RAPGEF6: variants seen among roughly 807,000 people sequenced by gnomAD.
The protein encoded by RAPGEF6 is PDZ domain containing guanine nucleotide exchange factor (GEF) 2.
Under a neutral mutation model 171.4 loss-of-function variants are expected in RAPGEF6, and 56 were observed. That is an observed-to-expected ratio of 0.33 (90% CI 0.26 to 0.41). The LOEUF (loss-of-function observed/expected upper bound fraction) is 0.41, where lower values mean the gene tolerates loss of function less well. RAPGEF6 is among the 10% of genes least tolerant of loss of function. The probability of loss-of-function intolerance (pLI) is 1.00; values close to 1 mark genes in which losing one functional copy is unlikely to be tolerated. For missense variants in RAPGEF6, 1,674 were observed against 1,921.4 expected (o/e 0.87, Z 2.41); for synonymous variants, 692 against 650.1 (o/e 1.06, Z -0.98).
At chr5:131,613,704 G>A (rs1765085524) in intron 1 of RAPGEF6, among the ~76,000 whole-genome samples, 1 of 152,112 alleles carries the variant, frequency 6.6e-6, no homozygotes, top group Non-Finnish European at 1.5e-5. Flanking sequence ...AATAGCTACA[G>A]TGTGGCCAAG....
At chr5:131,453,200 T>G in intron 20 of RAPGEF6, 23 bp from the exon 21 acceptor site, 1 of 1,576,216 alleles carries the variant, frequency 6.3e-7, no homozygotes, top group South Asian at 1.2e-5. Flanking sequence ...AATAAATGTT[T>G]AAGTTCAAAA....
Position 131,434,514 on chromosome 5 carries a change from C to T in RAPGEF6, c.3746-856G>A, listed in dbSNP as rs567524193. ...TCAGCCTACCAAATTGCTGGGATTA[C>T]AGGTATGAGCCACCATGCCCAGCCT... is the stretch of plus-strand genomic sequence containing the variant. On this transcript the variant is annotated intron_variant, in intron 24 of 27. Coordinates refer to ENST00000509018, the MANE Select transcript of RAPGEF6 (RefSeq NM_016340.6). 3.3e-5 allele frequency among the ~76,000 whole-genome samples: 5 copies of T among 152,328 alleles called. No individual in the cohort carries two copies. The South Asian group carries it at 6.2e-4, about 19-fold the overall frequency.
At chr5:131,469,734 T>C in intron 17 of RAPGEF6, 3 of 1,253,828 alleles carry the variant, frequency 2.4e-6, no homozygotes, top group Non-Finnish European at 3.2e-6. Flanking sequence ...CATTGGACTT[T>C]TAAAAAATAA....
intron 17 of RAPGEF6, among the ~76,000 whole-genome samples, chr5:131,466,228 G>C (rs1381247161): frequency 2.0e-5 from 3 of 151,900 alleles, no homozygotes; most frequent in Admixed American, 6.6e-5. Context: ...GTTGAAAGTA[G>C]AATACTTCAT....
At chr5:131,480,849 C>G (rs1755424157) in intron 15 of RAPGEF6, among the ~76,000 whole-genome samples, 1 of 151,612 alleles carries the variant, frequency 6.6e-6, no homozygotes, top group African/African-American at 2.4e-5. Flanking sequence ...CTATGTCATT[C>G]AGTAAAGCTG....
intron 4 of RAPGEF6, among the ~76,000 whole-genome samples, chr5:131,567,393 T>C (rs1762017037): frequency 1.3e-5 from 2 of 152,226 alleles, no homozygotes; most frequent in Admixed American, 1.3e-4. Flanking sequence ...TCTTTTCTCA[T>C]AAATATGATC....
intron 16 of RAPGEF6, among the ~76,000 whole-genome samples, chr5:131,476,268 C>T (rs1345985267): frequency 6.6e-6 from 1 of 152,006 alleles, no homozygotes; most frequent in East Asian, 1.9e-4. Context: ...AACAGAACTA[C>T]TGAATCAAAT....
chr5:131,532,743 T>G (rs574652005), intron 6 of RAPGEF6, among the ~76,000 whole-genome samples: 2 of 152,124 alleles, frequency 1.3e-5, no homozygotes, highest in African/African-American at 4.8e-5. Context: ...TCCTGTAGAA[T>G]GTCTAAGAAT....
At chr5:131,613,456 T>C (rs1194548995) in intron 1 of RAPGEF6, among the ~76,000 whole-genome samples, 1 of 151,778 alleles carries the variant, frequency 6.6e-6, no homozygotes, top group African/African-American at 2.4e-5. Flanking sequence ...TATATATATA[T>C]ATATGTATGT....
intron 15 of RAPGEF6, among the ~76,000 whole-genome samples, chr5:131,482,599 G>T (rs1160670334): frequency 6.6e-6 from 1 of 152,130 alleles, no homozygotes; most frequent in Non-Finnish European, 1.5e-5. Flanking sequence ...CACCACGACT[G>T]GCCAATACTT....
At position 131,479,666 on chromosome 5, in the gene RAPGEF6, T is replaced by C; in HGVS notation, c.1928A>G (p.His643Arg). 8 of 1,614,094 alleles carry C rather than the reference T, an allele frequency of 5.0e-6. No homozygotes were observed. Among genetic ancestry groups the C allele is most frequent in the Non-Finnish European group, 6.8e-6 (8 of 1,179,990 alleles). The stretch of plus-strand genomic sequence containing the variant: ...ATCTCCTGGCACATGCTGGATAGAA[T>C]GGCGATTACTTTTTTTTTCAGCAAT... ...PKIAEKKSNR[H>R]SIQHVPGDIE... is the part of the protein sequence containing the mutation. The change falls in exon 16 of 28, where the codon CAT becomes CGT. Residue 643 changes from histidine to arginine, a missense_variant. Around this residue, in one of 3 missense-constraint regions of RAPGEF6, gnomAD observed 1,116 missense variants for 1,321.5 expected, o/e 0.84. Coordinates refer to ENST00000509018, the MANE Select transcript of RAPGEF6 (RefSeq NM_016340.6).
At chr5:131,550,335 C>T (rs868735872) in intron 5 of RAPGEF6, among the ~76,000 whole-genome samples, 3 of 152,332 alleles carry the variant, frequency 2.0e-5, no homozygotes, top group Middle Eastern at 6.8e-3. Flanking sequence ...TAAACTCTTA[C>T]ATTTGATATT....
At chr5:131,539,577 CAT>C in intron 6 of RAPGEF6, among the ~76,000 whole-genome samples, 1 of 152,270 alleles carries the variant, frequency 6.6e-6, no homozygotes, top group South Asian at 2.1e-4. Flanking sequence ...ATAAGACACA[CAT>C]ACACACACAC....
chr5:131,520,549 C>T (rs1758409539), intron 7 of RAPGEF6, among the ~76,000 whole-genome samples: 1 of 152,102 alleles, frequency 6.6e-6, no homozygotes, highest in Non-Finnish European at 1.5e-5. Context: ...TTCTATTTGA[C>T]AGTTCTGAAA....
At position 131,510,526 on chromosome 5, in the gene RAPGEF6, T is replaced by C. The variant is rs372341827; in HGVS notation, c.628-35A>G. 1.5e-5 allele frequency: 23 copies of C among 1,584,246 alleles called. No homozygotes were observed. The African/African-American group carries it at 2.4e-4, about 17-fold the overall frequency. On this transcript the variant is annotated intron_variant, in intron 7 of 27. Transcript: ENST00000509018. ...GAAATCTTGATCACTTACCATTTCA[T>C]GTAAAAAATATTATAAGTCACAGTC...
rs1363317901 is a variant in RAPGEF6, at chr5:131,492,669, T to C, written c.1644A>G (p.Gly548=). 6 of 1,614,120 alleles carry C rather than the reference T, an allele frequency of 3.7e-6. No homozygotes were observed. Among genetic ancestry groups the C allele is most frequent in the Admixed American group, 1.7e-5 (1 of 60,022 alleles). Residue 548 remains glycine, a synonymous_variant, in exon 14 of 28, where the codon GGA becomes GGG. Transcript: ENST00000509018. ...RESPLQFSLN[G]GSEKGFGIFV... The stretch of plus-strand genomic sequence containing the variant: ...AAATACCAAATCCCTTCTCACTCCC[T>C]CCATTAAGGCTGAATTGTAGAGGGG...
rs778658985 is a variant in RAPGEF6, at chr5:131,464,036, T to C, written c.2480+5A>G. The C allele has an allele frequency of 8.9e-6, 14 of 1,581,638 alleles. No individual in the cohort carries two copies. Among genetic ancestry groups the C allele is most frequent in the Non-Finnish European group, 1.2e-5 (14 of 1,163,486 alleles). ...ATAAGCACATCCACTAATAAGCTTATTCACCTTCCATTGAGTTGAATTCTA... is the reference window on the plus strand; with the variant it reads ...ATAAGCACATCCACTAATAAGCTTACTCACCTTCCATTGAGTTGAATTCTA... On this transcript the variant is annotated splice_donor_5th_base_variant and intron_variant, in intron 18 of 27. Transcript: ENST00000509018.
intron 16 of RAPGEF6, among the ~76,000 whole-genome samples, chr5:131,475,694 G>A (rs913921956): frequency 2.6e-5 from 4 of 152,138 alleles, no homozygotes; most frequent in African/African-American, 2.4e-5. Context: ...CCATACTTCC[G>A]TCTTAACTTA....
intron 5 of RAPGEF6, among the ~76,000 whole-genome samples, chr5:131,554,816 C>A (rs1761131092): frequency 6.6e-6 from 1 of 151,896 alleles, no homozygotes; most frequent in South Asian, 2.1e-4. Context: ...TGTGCCTGGC[C>A]TAAGTAGGAA....
Sources: gnomAD v4.1 joint callset for allele counts (sites outside exome capture counted in the v4.1 genomes callset) on GRCh38, gnomAD v4.1.1 for gene constraint, gnomAD v4.1.1 regional missense constraint, MANE v1.5 for transcripts, NCBI Gene and HGNC (gene_info 2026-07-23, HGNC 2026-07-21) for gene names.